Variants in NAV2 observed in about 807,000 individuals in gnomAD.
The protein encoded by NAV2 is helicase, APC down-regulated 1.
In NAV2, 54 loss-of-function variants were observed where a neutral mutation model predicts 223.2. The observed-to-expected ratio is 0.24, with a 90% CI of 0.19 to 0.30. NAV2 has a LOEUF of 0.30. NAV2 is among the 10% of genes least tolerant of loss of function. The pLI is 1.00. For synonymous variants in NAV2, 1,279 were observed against 1,239.3 expected (o/e 1.03, Z -0.67); for missense variants, 2,806 against 3,147.5 (o/e 0.89, Z 2.60).
chr11:19,919,808 C>T (rs2044121364), intron 6 of NAV2, among the ~76,000 whole-genome samples: 1 of 152,178 alleles, frequency 6.6e-6, no homozygotes, highest in Non-Finnish European at 1.5e-5. Context: ...AAGCTTTAGT[C>T]ACCATCTCCA....
intron 10 of NAV2, among the ~76,000 whole-genome samples, chr11:19,967,528 C>A (rs533656256): frequency 6.6e-6 from 1 of 152,066 alleles, no homozygotes; most frequent in East Asian, 1.9e-4. Context: ...TTCCAGGGGA[C>A]CAAACTTGAA....
intron 10 of NAV2, among the ~76,000 whole-genome samples, chr11:19,970,270 G>T (rs555768535): frequency 6.6e-6 from 1 of 152,190 alleles, no homozygotes; most frequent in Non-Finnish European, 1.5e-5. Flanking sequence ...CTGGGTTCAA[G>T]TGGTTCTCCT....
intron 1 of NAV2, among the ~76,000 whole-genome samples, chr11:19,592,571 G>C (rs1332300760): frequency 6.6e-6 from 1 of 152,126 alleles, no homozygotes; most frequent in Non-Finnish European, 1.5e-5. Context: ...ATGTTTGGGG[G>C]AAGTCCATGA....
chr11:19,991,584 A>C (rs1309923449), intron 11 of NAV2, among the ~76,000 whole-genome samples: 1 of 152,248 alleles, frequency 6.6e-6, no homozygotes, highest in Non-Finnish European at 1.5e-5. Flanking sequence ...TAATAAAAAG[A>C]ACAATTATAA....
chr11:19,661,079 C>G (rs960510005), intron 1 of NAV2, among the ~76,000 whole-genome samples: 2 of 152,266 alleles, frequency 1.3e-5, no homozygotes, highest in East Asian at 3.9e-4. Flanking sequence ...CTCTCTACCC[C>G]TGAAATAATA....
At chr11:19,687,268 C>T (rs761290985) in intron 1 of NAV2, among the ~76,000 whole-genome samples, 3 of 152,252 alleles carry the variant, frequency 2.0e-5, no homozygotes, top group South Asian at 2.1e-4. Context: ...GCTGCATTGA[C>T]ACTTGAGAGC....
intron 22 of NAV2, among the ~76,000 whole-genome samples, chr11:20,069,239 G>T (rs979051195): frequency 1.3e-4 from 20 of 152,180 alleles, no homozygotes; most frequent in Admixed American, 1.3e-3. Context: ...TTTGCACAAA[G>T]GTTAAGGAGA....
chr11:19,486,277 C>T (rs1021195179), intron 1 of NAV2, among the ~76,000 whole-genome samples: 2 of 152,038 alleles, frequency 1.3e-5, no homozygotes, highest in African/African-American at 4.8e-5. Flanking sequence ...CTTCCTGGGA[C>T]CCTGTGCCTC....
intron 6 of NAV2, among the ~76,000 whole-genome samples, chr11:19,908,382 C>T (rs767702423): frequency 2.0e-5 from 3 of 152,014 alleles, no homozygotes; most frequent in Non-Finnish European, 2.9e-5. Flanking sequence ...CTCCTTCCTC[C>T]GTTAACCTCT....
At chr11:19,861,979 A>G (rs1395494056) in intron 3 of NAV2, among the ~76,000 whole-genome samples, 2 of 152,188 alleles carry the variant, frequency 1.3e-5, no homozygotes, top group Admixed American at 6.5e-5. Flanking sequence ...GACTTCTAGA[A>G]CTTTAGCTAC....
chr11:19,480,399 T>G (rs1255208819), intron 1 of NAV2, among the ~76,000 whole-genome samples: 6 of 152,148 alleles, frequency 3.9e-5, no homozygotes, highest in Admixed American at 3.9e-4. Context: ...TGACCAGGAC[T>G]GGATTTGGAT....
At chr11:20,036,899 A>G (rs1232665559) in intron 12 of NAV2, among the ~76,000 whole-genome samples, 3 of 152,044 alleles carry the variant, frequency 2.0e-5, no homozygotes, top group African/African-American at 7.2e-5. Flanking sequence ...TTCCTACTTT[A>G]AGGCTTCAGA....
chr11:20,056,719 A>G (rs903581937), intron 19 of NAV2: 4 of 816,022 alleles, frequency 4.9e-6, no homozygotes, highest in Middle Eastern at 2.2e-4. Context: ...CTCATTAACC[A>G]ATGATAAGAA....
At chr11:19,761,386 A>G (rs750180323) in intron 1 of NAV2, among the ~76,000 whole-genome samples, 1 of 152,230 alleles carries the variant, frequency 6.6e-6, no homozygotes, top group African/African-American at 2.4e-5. Flanking sequence ...GACAAGTACT[A>G]TGAAGAAAGT....
At chr11:20,088,892 G>A (rs2060631640) in intron 26 of NAV2, among the ~76,000 whole-genome samples, 1 of 151,968 alleles carries the variant, frequency 6.6e-6, no homozygotes, top group Non-Finnish European at 1.5e-5. Context: ...GCTAAGAAGG[G>A]AGTATCACAG....
chr11:19,429,271 T>C (rs950448998), intron 1 of NAV2, among the ~76,000 whole-genome samples: 6 of 151,446 alleles, frequency 4.0e-5, no homozygotes, highest in African/African-American at 1.4e-4. Context: ...TGCATTTATT[T>C]ACTGGGCACT....
intron 1 of NAV2, among the ~76,000 whole-genome samples, chr11:19,785,647 C>CTTTTTT (rs3214722): frequency 3.5e-4 from 50 of 141,872 alleles, no homozygotes; most frequent in Non-Finnish European, 5.1e-4. Context: ...CGTCAGCTGG[C>CTTTTTT]TTTTTTTTTT....
At chr11:19,781,008 A>T (rs187136721) in intron 1 of NAV2, among the ~76,000 whole-genome samples, 6 of 152,338 alleles carry the variant, frequency 3.9e-5, no homozygotes, top group Admixed American at 3.9e-4. Context: ...AATCATATTA[A>T]TAGCTAACAT....
rs547128453 is a variant in NAV2, at chr11:19,867,537, A to G, written c.439-1388A>G. Among the ~76,000 whole-genome samples the G allele has an allele frequency of 3.9e-5, 6 of 152,408 alleles. 1 individual carries two copies. The highest frequency in any genetic ancestry group is 1.3e-4 in the Admixed American group (2 of 15,312). On this transcript the variant is annotated intron_variant, in intron 3 of 37. Transcript: ENST00000349880. ...TGTGTATAAGAAAGGACTTTCTGCA[A>G]TGATGAAAGGCATAACGCATAGCAT... is the stretch of plus-strand genomic sequence containing the variant.
Sources: allele counts gnomAD v4.1 joint callset (sites outside exome capture counted in the v4.1 genomes callset), GRCh38; gene constraint gnomAD v4.1.1; transcripts MANE v1.5; gene names NCBI Gene and HGNC (gene_info 2026-07-23, HGNC 2026-07-21).